The following CPNE8 variants were observed in gnomAD, a reference collection of about 807,000 sequenced individuals.
CPNE8 encodes the protein copine 8.
CPNE8 carries 45 observed loss-of-function variants against 81.5 expected under a neutral mutation model. The observed-to-expected ratio is 0.55, with a 90% confidence interval of 0.44 to 0.71. CPNE8 has a LOEUF of 0.71. CPNE8 is among the 30% of genes least tolerant of loss of function. CPNE8 has a pLI of 0.00. For synonymous variants in CPNE8, 252 were observed against 226.3 expected (o/e 1.11, Z -1.02); for missense variants, 594 against 672.1 (o/e 0.88, Z 1.28).
chr12:38,797,555 C>T (rs941596559), intron 6 of CPNE8, among the ~76,000 whole-genome samples: 2 of 152,078 alleles, frequency 1.3e-5, no homozygotes, highest in African/African-American at 4.8e-5. Context: ...CTGTACATCA[C>T]CATCATCAAA....
intron 6 of CPNE8, among the ~76,000 whole-genome samples, chr12:38,793,549 C>T (rs1362031283): frequency 6.6e-6 from 1 of 151,718 alleles, no homozygotes; most frequent in Non-Finnish European, 1.5e-5. Context: ...AACCACAAAA[C>T]ACTGCTGAAA....
intron 19 of CPNE8, among the ~76,000 whole-genome samples, chr12:38,661,668 A>T (rs13377614): frequency 0.012 from 1,786 of 152,212 alleles, 36 homozygotes; most frequent in African/African-American, 0.041. Flanking sequence ...GGCCAGAACT[A>T]CCCTGATACC....
chr12:38,789,519 A>G (rs1287775033), intron 6 of CPNE8, among the ~76,000 whole-genome samples: 1 of 152,010 alleles, frequency 6.6e-6, no homozygotes, highest in East Asian at 1.9e-4. Context: ...CTTTTGGGAA[A>G]GTCTCCAGGA....
chr12:38,758,147 A>ACTCTCT lies in CPNE8; in HGVS notation c.722+2694_722+2699dup, dbSNP rs34541514. Among the ~76,000 whole-genome samples, 42 of 149,214 alleles carry ACTCTCT rather than the reference A, an allele frequency of 2.8e-4. 1 individual carries two copies. The highest frequency in any genetic ancestry group is 8.3e-4 in the African/African-American group (34 of 40,782). On this transcript the variant is annotated intron_variant, in intron 10 of 19. Transcript: ENST00000331366. ...AATGGCACAAATCATCTGTGAACAA[A>ACTCTCT]CTCTCTCTCTCTCTCTCTCTCTATT...
In CPNE8 at chr12:38,899,064, T is replaced by C. The variant is rs139332923; in HGVS notation, c.98+6373A>G. On this transcript the variant is annotated intron_variant, in intron 1 of 19. Coordinates refer to ENST00000331366, the MANE Select transcript of CPNE8 (RefSeq NM_153634.3). Reference sequence around the variant, plus strand: ...ATCACAACTTTTATGGATTATAAAATCATACAACCCCACTTATTCCAGTAG... The same window carrying C: ...ATCACAACTTTTATGGATTATAAAACCATACAACCCCACTTATTCCAGTAG... 9.4e-4 allele frequency among the ~76,000 whole-genome samples: 143 copies of C among 152,222 alleles called. 1 individual carries two copies. Among genetic ancestry groups the C allele is most frequent in the African/African-American group, 3.3e-3 (137 of 41,540 alleles).
intron 6 of CPNE8, among the ~76,000 whole-genome samples, chr12:38,813,173 C>A (rs1392847954): frequency 6.6e-6 from 1 of 152,094 alleles, no homozygotes; most frequent in East Asian, 1.9e-4. Flanking sequence ...GGAAAGGGGG[C>A]TGAATTTTAT....
intron 6 of CPNE8, among the ~76,000 whole-genome samples, chr12:38,789,257 T>C (rs1020986108): frequency 6.6e-6 from 1 of 151,792 alleles, no homozygotes; most frequent in Non-Finnish European, 1.5e-5. Context: ...AGTAGACACA[T>C]AGCCCAATGG....
At chr12:38,707,981 T>C (rs1003957251) in intron 13 of CPNE8, among the ~76,000 whole-genome samples, 2 of 152,182 alleles carry the variant, frequency 1.3e-5, no homozygotes, top group Non-Finnish European at 1.5e-5. Context: ...ACTCCAGCTT[T>C]ATATTGTTCA....
At chr12:38,689,524 C>T (rs1484389479) in intron 15 of CPNE8, among the ~76,000 whole-genome samples, 1 of 152,150 alleles carries the variant, frequency 6.6e-6, no homozygotes, top group Non-Finnish European at 1.5e-5. Context: ...AGAATTCTTC[C>T]TTTTATTCAA....
chr12:38,716,020 C>A (rs1940379783), intron 13 of CPNE8, among the ~76,000 whole-genome samples: 1 of 151,924 alleles, frequency 6.6e-6, no homozygotes, highest in African/African-American at 2.4e-5. Context: ...AGAATCATAT[C>A]AAGAACTCAA....
At chr12:38,679,260 T>C (rs560352882) in intron 16 of CPNE8, among the ~76,000 whole-genome samples, 1 of 151,868 alleles carries the variant, frequency 6.6e-6, no homozygotes, top group African/African-American at 2.4e-5. Flanking sequence ...TGCAGTCATA[T>C]AAAATACTGC....
At chr12:38,777,319 T>G (rs1941956908) in intron 6 of CPNE8, among the ~76,000 whole-genome samples, 1 of 152,064 alleles carries the variant, frequency 6.6e-6, no homozygotes, top group African/African-American at 2.4e-5. Flanking sequence ...TGAATAAGGA[T>G]ATAAAGAAAG....
intron 6 of CPNE8, among the ~76,000 whole-genome samples, chr12:38,791,517 G>A (rs1942323731): frequency 6.6e-6 from 1 of 151,366 alleles, no homozygotes; most frequent in Non-Finnish European, 1.5e-5. Flanking sequence ...GCACAATAAT[G>A]AAAATAATAC....
At chr12:38,763,137 G>T (rs901015673) in intron 8 of CPNE8, among the ~76,000 whole-genome samples, 5 of 152,208 alleles carry the variant, frequency 3.3e-5, no homozygotes, top group African/African-American at 1.2e-4. Flanking sequence ...GATTACAGGC[G>T]TGAGCCACTG....
intron 16 of CPNE8, among the ~76,000 whole-genome samples, chr12:38,677,757 C>T (rs879743761): frequency 3.3e-5 from 5 of 151,418 alleles, no homozygotes; most frequent in Non-Finnish European, 7.4e-5. Context: ...CATGCTGGCA[C>T]ACAGAAATAT....
chr12:38,756,425 C>G, intron 10 of CPNE8, among the ~76,000 whole-genome samples: 1 of 148,928 alleles, frequency 6.7e-6, no homozygotes, highest in East Asian at 2.0e-4. Flanking sequence ...ATGATCATTG[C>G]TGACTGAAGC....
At chr12:38,797,805 A>C (rs949267281) in intron 6 of CPNE8, among the ~76,000 whole-genome samples, 1 of 152,148 alleles carries the variant, frequency 6.6e-6, no homozygotes, top group African/African-American at 2.4e-5. Context: ...CTTTGAAAAA[A>C]ATTTAGACGA....
chr12:38,845,943 G>T (rs1031738490), intron 4 of CPNE8, among the ~76,000 whole-genome samples: 6 of 152,002 alleles, frequency 3.9e-5, no homozygotes, highest in African/African-American at 1.4e-4. Flanking sequence ...ACATGCAAAA[G>T]GTAAAACAAT....
chr12:38,703,383 CCAAA>C (rs1397428348), intron 13 of CPNE8, among the ~76,000 whole-genome samples: 6 of 152,074 alleles, frequency 3.9e-5, no homozygotes, highest in Admixed American at 2.0e-4. Context: ...TGACAATCCC[CCAAA>C]CACACGATTT....
Sources: allele counts gnomAD v4.1 joint callset (sites outside exome capture counted in the v4.1 genomes callset), GRCh38; gene constraint gnomAD v4.1.1; transcripts MANE v1.5; gene names NCBI Gene and HGNC (gene_info 2026-07-23, HGNC 2026-07-21).